The following CHD1L variants were observed in gnomAD, a reference collection of about 807,000 sequenced individuals.
The protein encoded by CHD1L is chromodomain helicase DNA binding protein 1 like.
In CHD1L, 118 loss-of-function variants were observed where a neutral mutation model predicts 115.9. The observed-to-expected ratio is 1.02, with a 90% CI of 0.88 to 1.19. The LOEUF is 1.19. Among genes scored for constraint, CHD1L ranks in the 50% most tolerant of loss-of-function variants. The pLI is 0.00. For synonymous variants in CHD1L, 411 were observed against 387.1 expected, an observed-to-expected ratio of 1.06 and a Z score of -0.72; for missense variants, 1,179 against 1,065.3, an observed-to-expected ratio of 1.11 and a Z score of -1.49.
chr1:147,293,453 A>G (rs587609654), intron 20 of CHD1L, among the ~76,000 whole-genome samples, 155 bp from the exon 21 acceptor site: 17 of 152,342 alleles, frequency 1.1e-4, no homozygotes, highest in African/African-American at 3.8e-4. Flanking sequence ...GAAGTCATAC[A>G]TATAGTAGGA....
chr1:147,187,620 CA>C, the CHD1L span, among the ~76,000 whole-genome samples: 1 of 152,112 alleles, frequency 6.6e-6, no homozygotes, highest in African/African-American at 2.4e-5. Flanking sequence ...AAACCCATCA[CA>C]AAAATTCTCA....
chr1:147,290,466 G>A (rs1685072612), intron 19 of CHD1L, among the ~76,000 whole-genome samples: 1 of 152,118 alleles, frequency 6.6e-6, no homozygotes, highest in South Asian at 2.1e-4. Context: ...AGTAAGGGTG[G>A]CACCACGCCG....
intron 3 of CHD1L, among the ~76,000 whole-genome samples, chr1:147,255,366 T>C (rs1190701206): frequency 6.6e-6 from 1 of 152,148 alleles, no homozygotes; most frequent in Admixed American, 6.5e-5. Context: ...TAGCTGAGAT[T>C]ACAGGCGTGC....
At chr1:147,276,001 A>T in intron 13 of CHD1L, 103 bp from the exon 14 acceptor site, 1 of 1,121,646 alleles carries the variant, frequency 8.9e-7, no homozygotes, top group Non-Finnish European at 1.3e-6. Context: ...TACCCTGAAT[A>T]TGGTATTTGG....
rs782639999 is a variant in CHD1L at position 147,255,834 on chromosome 1, T to C, written c.369T>C (p.Cys123=). The part of the protein sequence containing the change: ...EMQRFAPGLS[C]VTYAGDKEER... Reference sequence around the variant, plus strand: ...TCAGATTTGCTCCAGGTCTTTCCTGTGTAACATATGCAGGCGACAAGGAGG... The same window carrying C: ...TCAGATTTGCTCCAGGTCTTTCCTGCGTAACATATGCAGGCGACAAGGAGG... Residue 123 remains cysteine, a synonymous_variant, in exon 4 of 23, where the codon TGT becomes TGC. Transcript: ENST00000369258. 1 of 1,613,292 alleles carries C rather than the reference T, an allele frequency of 6.2e-7. No homozygotes were observed. Among genetic ancestry groups the C allele is most frequent in the Non-Finnish European group, 8.5e-7 (1 of 1,179,578 alleles).
intron 21 of CHD1L, 132 bp from the exon 22 acceptor site, chr1:147,294,277 C>T: frequency 1.9e-6 from 1 of 513,226 alleles, no homozygotes; most frequent in Non-Finnish European, 3.3e-6. Context: ...CAATTCTTCC[C>T]CCGGAATATT....
rs782185348 is a variant in CHD1L, at chr1:147,285,473, T to C, written c.2004T>C (p.Ala668=). 9 of 1,611,056 alleles carry C rather than the reference T, an allele frequency of 5.6e-6. No homozygotes were observed. Among genetic ancestry groups the C allele is most frequent in the Non-Finnish European group, 6.8e-6 (8 of 1,179,278 alleles). Residue 668 remains alanine, a synonymous_variant, in exon 17 of 23, where the codon GCT becomes GCC. Coordinates refer to ENST00000369258, the MANE Select transcript of CHD1L (RefSeq NM_004284.6). ...AGAAGAAGAGGCAAAAGGAAGAGGC[T>C]GAACATAAGAAAAAGTATGTCTGCG... The part of the protein sequence containing the change: ...IEEKKRQKEE[A]EHKKKMAWWE...
In CHD1L at chr1:147,267,409, T is replaced by G. The variant is rs11239963; in HGVS notation, c.896-17T>G. On this transcript the variant is annotated splice_polypyrimidine_tract_variant and intron_variant, in intron 8 of 22. Coordinates refer to ENST00000369258, the MANE Select transcript of CHD1L (RefSeq NM_004284.6). Reference sequence around the variant, plus strand: ...AGGCCATCTCTTTCTGTCTCTCTCTTTTTTTTTAAATTTCAGATGCATTTG... The same window carrying G: ...AGGCCATCTCTTTCTGTCTCTCTCTGTTTTTTTAAATTTCAGATGCATTTG... 3.2e-5 allele frequency: 51 copies of G among 1,583,424 alleles called. No homozygotes were observed. The highest frequency in any genetic ancestry group is 4.2e-5 in the Non-Finnish European group (49 of 1,154,466).
intron 1 of CHD1L, among the ~76,000 whole-genome samples, chr1:147,248,838 A>G (rs1197402146): frequency 1.3e-5 from 2 of 152,174 alleles, no homozygotes; most frequent in Non-Finnish European, 2.9e-5. Context: ...CCTTTATATA[A>G]ACATTACTTC....
chr1:147,275,591 T>A, intron 13 of CHD1L, 123 bp downstream of exon 13: 1 of 703,574 alleles, frequency 1.4e-6, no homozygotes, highest in Non-Finnish European at 2.5e-6. Context: ...AGGTTTTAGC[T>A]CATCTGTGCT....
chr1:147,198,369 A>G, the CHD1L span, among the ~76,000 whole-genome samples: 5,609 of 152,244 alleles, frequency 0.037, 154 homozygotes, highest in South Asian at 0.095. Flanking sequence ...ACTATATTAC[A>G]AAGGGAGGGA....
intron 9 of CHD1L, among the ~76,000 whole-genome samples, chr1:147,268,289 C>T (rs1553950073): frequency 1.3e-5 from 2 of 152,164 alleles, no homozygotes; most frequent in African/African-American, 4.8e-5. Context: ...GGAGCAAGCA[C>T]TCCTGTGGCC....
intron 4 of CHD1L, 141 bp from the exon 5 acceptor site, chr1:147,256,390 A>G: frequency 1.4e-6 from 1 of 733,128 alleles, no homozygotes; most frequent in South Asian, 1.9e-5. Context: ...CTTAGAAATT[A>G]TTCTCAGAAC....
the CHD1L span, chr1:147,204,395 C>T: frequency 9.1e-7 from 1 of 1,103,032 alleles, no homozygotes; most frequent in East Asian, 2.3e-5. Context: ...ATAAGCTTGG[C>T]CAGAAATACT....
At chr1:147,274,732 A>G (rs1553956063) in intron 12 of CHD1L, among the ~76,000 whole-genome samples, 1 of 152,170 alleles carries the variant, frequency 6.6e-6, no homozygotes, top group Non-Finnish European at 1.5e-5. Flanking sequence ...AGTAAATGAC[A>G]AGAGTGTTCT....
At chr1:147,291,607 T>G in intron 20 of CHD1L, 55 bp downstream of exon 20, 44 of 1,433,656 alleles carry the variant, frequency 3.1e-5, no homozygotes, top group Non-Finnish European at 3.8e-5. Context: ...TCAACTTCTC[T>G]TGAAGTGTCC....
chr1:147,246,485 G>A lies in CHD1L; in HGVS notation c.127+3655G>A, dbSNP rs150314543. ...TAGTTTTTAAAGAAGCTGCCAAACT[G>A]TTTCCAGAGTAGCTGTACTATTTTA... On this transcript the variant is annotated intron_variant, in intron 1 of 22. Transcript: ENST00000369258. 5.3e-5 allele frequency among the ~76,000 whole-genome samples: 8 copies of A among 152,344 alleles called. No individual in the cohort carries two copies. In the East Asian group the frequency reaches 1.5e-3, roughly 29 times the overall value.
the CHD1L span, among the ~76,000 whole-genome samples, chr1:147,183,045 A>G: frequency 4.4e-4 from 67 of 152,296 alleles, no homozygotes; most frequent in Non-Finnish European, 7.6e-4. Flanking sequence ...TAAAAATACA[A>G]AGATTAGCCA....
At chr1:147,178,192 G>T in the CHD1L span, 1 of 1,612,384 alleles carries the variant, frequency 6.2e-7, no homozygotes, top group Non-Finnish European at 8.5e-7. Flanking sequence ...TGCCTCCGAC[G>T]TGCTAGGACT....
Sources: allele counts gnomAD v4.1 joint callset (sites outside exome capture counted in the v4.1 genomes callset), GRCh38; gene constraint gnomAD v4.1.1; transcripts MANE v1.5; gene names NCBI Gene and HGNC (gene_info 2026-07-23, HGNC 2026-07-21).